GRIP1: variants seen among roughly 807,000 people sequenced by gnomAD.
GRIP1 encodes the protein glutamate receptor-interacting protein 1.
A neutral mutation model predicts 129.9 loss-of-function variants in GRIP1; 45 were observed. That is an observed-to-expected ratio of 0.35 (90% CI 0.27 to 0.44). The LOEUF is 0.44. Ranked by LOEUF, GRIP1 falls within the 20% of genes least tolerant of loss-of-function variation. GRIP1 has a pLI of 1.00. For missense variants in GRIP1, 1,196 were observed against 1,396.8 expected (o/e 0.86, Z 2.29); for synonymous variants, 530 against 520.8 (o/e 1.02, Z -0.24).
intron 1 of GRIP1, among the ~76,000 whole-genome samples, chr12:66,865,201 T>C (rs1451360841): frequency 1.3e-5 from 2 of 152,216 alleles, no homozygotes; most frequent in East Asian, 3.9e-4. Context: ...TAAAATCCAA[T>C]ATGAAAAAAG....
intron 1 of GRIP1, among the ~76,000 whole-genome samples, chr12:66,874,601 C>T (rs900467749): frequency 2.6e-5 from 4 of 151,860 alleles, no homozygotes; most frequent in Admixed American, 2.0e-4. Context: ...TGGAAGAAGG[C>T]GAAGGGAGAG....
At chr12:66,845,945 A>C (rs1050422351) in intron 1 of GRIP1, among the ~76,000 whole-genome samples, 1 of 152,148 alleles carries the variant, frequency 6.6e-6, no homozygotes, top group Non-Finnish European at 1.5e-5. Context: ...TCTCCCAGAA[A>C]AACTGTCTGT....
chr12:66,876,993 T>C (rs2040394469), intron 1 of GRIP1, among the ~76,000 whole-genome samples: 1 of 152,112 alleles, frequency 6.6e-6, no homozygotes, highest in African/African-American at 2.4e-5. Context: ...TTAATATATA[T>C]TGATTTTTCC....
chr12:66,640,328 TA>T (rs1359497354), intron 1 of GRIP1, among the ~76,000 whole-genome samples: 1 of 152,194 alleles, frequency 6.6e-6, no homozygotes, highest in Non-Finnish European at 1.5e-5. Context: ...AGTTGCTGAA[TA>T]AAAATATGCA....
intron 7 of GRIP1, among the ~76,000 whole-genome samples, chr12:66,507,883 G>A (rs1165482011): frequency 6.6e-6 from 1 of 151,952 alleles, no homozygotes; most frequent in Non-Finnish European, 1.5e-5. Flanking sequence ...CAATCCTCCA[G>A]CCTCCGCATC....
At chr12:66,993,100 C>T (rs771309378) in intron 1 of GRIP1, among the ~76,000 whole-genome samples, 14 of 139,738 alleles carry the variant, frequency 1.0e-4, no homozygotes, top group Non-Finnish European at 1.9e-4. Flanking sequence ...GAAAACAGAA[C>T]AAGACCCTGT....
At chr12:67,001,253 C>T (rs2042546595) in intron 1 of GRIP1, among the ~76,000 whole-genome samples, 1 of 152,174 alleles carries the variant, frequency 6.6e-6, no homozygotes, top group Admixed American at 6.5e-5. Flanking sequence ...GGCCAACCAT[C>T]CACCCGTGCT....
chr12:66,605,051 T>A (rs796615377), intron 1 of GRIP1, among the ~76,000 whole-genome samples: 228 of 140,246 alleles, frequency 1.6e-3, no homozygotes, highest in African/African-American at 5.1e-3. Flanking sequence ...CAGAAGTCAC[T>A]TATATATATA....
intron 7 of GRIP1, among the ~76,000 whole-genome samples, chr12:66,492,135 C>T (rs2060119788): frequency 6.6e-6 from 1 of 151,362 alleles, no homozygotes; most frequent in Admixed American, 6.6e-5. Flanking sequence ...AATGCTCTGG[C>T]ATCTTGTGCT....
intron 1 of GRIP1, among the ~76,000 whole-genome samples, chr12:66,764,630 A>G (rs1328800205): frequency 2.0e-5 from 3 of 152,196 alleles, no homozygotes; most frequent in Non-Finnish European, 4.4e-5. Flanking sequence ...AGAAGCCTTT[A>G]TATTTATTAA....
chr12:66,802,269 G>A (rs1003334221), intron 1 of GRIP1, among the ~76,000 whole-genome samples: 5 of 152,056 alleles, frequency 3.3e-5, no homozygotes, highest in Non-Finnish European at 7.4e-5. Context: ...AACTCCACAA[G>A]TTATATATTA....
chr12:66,381,233 C>A (rs1375399857), intron 19 of GRIP1, among the ~76,000 whole-genome samples: 1 of 152,228 alleles, frequency 6.6e-6, no homozygotes, highest in African/African-American at 2.4e-5. Context: ...GAAATATTTA[C>A]AGTTCAATGT....
chr12:66,547,971 A>G (rs1042378929), intron 2 of GRIP1, among the ~76,000 whole-genome samples: 3 of 152,208 alleles, frequency 2.0e-5, no homozygotes, highest in Non-Finnish European at 4.4e-5. Flanking sequence ...TGAATCTACA[A>G]TTATCTCAAA....
At chr12:66,890,662 A>G (rs2040643519) in intron 1 of GRIP1, among the ~76,000 whole-genome samples, 1 of 152,234 alleles carries the variant, frequency 6.6e-6, no homozygotes, top group Non-Finnish European at 1.5e-5. Flanking sequence ...AGGGGAAAAA[A>G]GAATAGATAA....
intron 1 of GRIP1, among the ~76,000 whole-genome samples, chr12:66,877,006 G>A (rs2040394529): frequency 6.6e-6 from 1 of 151,846 alleles, no homozygotes; most frequent in Admixed American, 6.6e-5. Flanking sequence ...ATTTTTCCAG[G>A]AATGCAGCCT....
intron 1 of GRIP1, among the ~76,000 whole-genome samples, chr12:66,992,450 G>C (rs1335211430): frequency 6.6e-6 from 1 of 152,028 alleles, no homozygotes; most frequent in Non-Finnish European, 1.5e-5. Flanking sequence ...AGAAAGTATA[G>C]AGCCAAATAG....
At chr12:66,450,639 T>C (rs1261405545) in intron 11 of GRIP1, among the ~76,000 whole-genome samples, 3 of 151,952 alleles carry the variant, frequency 2.0e-5, no homozygotes, top group Non-Finnish European at 4.4e-5. Flanking sequence ...ATTATACATA[T>C]AGCATTGTAG....
chr12:66,682,852 T>C (rs2034637500), upstream of GRIP1, among the ~76,000 whole-genome samples: 1 of 152,192 alleles, frequency 6.6e-6, no homozygotes, highest in Non-Finnish European at 1.5e-5. Context: ...CTAAAATAAT[T>C]TGCACTTTCT....
intron 1 of GRIP1, among the ~76,000 whole-genome samples, chr12:66,757,466 T>C (rs897173278): frequency 6.6e-6 from 1 of 152,192 alleles, no homozygotes; most frequent in Non-Finnish European, 1.5e-5. Context: ...ATTTCCCTTA[T>C]CCATTCATCT....
Sources: allele counts gnomAD v4.1 joint callset (sites outside exome capture counted in the v4.1 genomes callset), GRCh38; gene constraint gnomAD v4.1.1; transcripts MANE v1.5; gene names NCBI Gene and HGNC (gene_info 2026-07-23, HGNC 2026-07-21).